Variants in KIAA1328 observed in about 807,000 individuals in gnomAD.
The protein encoded by KIAA1328 is protein hinderin.
A neutral mutation model predicts 68.1 loss-of-function variants in KIAA1328; 52 were observed. That is an observed-to-expected ratio of 0.76 (90% CI 0.61 to 0.96). The LOEUF (loss-of-function observed/expected upper bound fraction) is 0.96, where lower values mean the gene tolerates loss of function less well. Among genes scored for constraint, KIAA1328 ranks in the 40% least tolerant of loss-of-function variants. The pLI, the probability that KIAA1328 is intolerant of heterozygous loss-of-function variation, is 0.00. For synonymous variants in KIAA1328, 232 were observed against 239.4 expected (o/e 0.97, Z 0.28); for missense variants, 641 against 677.6 (o/e 0.95, Z 0.60).
intron 6 of KIAA1328, among the ~76,000 whole-genome samples, chr18:37,033,056 T>C (rs1364563956): frequency 6.6e-6 from 1 of 152,260 alleles, no homozygotes; most frequent in Admixed American, 6.5e-5. Context: ...TTTAGAAATA[T>C]GATAATGATG....
chr18:36,959,225 G>A, intron 5 of KIAA1328, 83 bp from the exon 6 acceptor site: 1 of 1,305,508 alleles, frequency 7.7e-7, no homozygotes. Flanking sequence ...GTTCTGTTTT[G>A]TTTATTGGAA....
At chr18:36,849,273 G>T (rs915937201) in intron 4 of KIAA1328, among the ~76,000 whole-genome samples, 1 of 151,896 alleles carries the variant, frequency 6.6e-6, no homozygotes, top group Non-Finnish European at 1.5e-5. Context: ...ATATGTGTGT[G>T]TTTTTAATGT....
At chr18:37,064,668 A>G (rs1395108032) in intron 6 of KIAA1328, among the ~76,000 whole-genome samples, 1 of 151,936 alleles carries the variant, frequency 6.6e-6, no homozygotes, top group Non-Finnish European at 1.5e-5. Flanking sequence ...TGTATTACCC[A>G]GGTAGGCCCA....
intron 5 of KIAA1328, among the ~76,000 whole-genome samples, chr18:36,952,539 T>G (rs1218009343): frequency 2.6e-5 from 4 of 152,202 alleles, no homozygotes; most frequent in African/African-American, 9.7e-5. Context: ...CAGATGAAGA[T>G]GTCAGAGAAG....
At chr18:36,921,691 AC>A (rs1879915469) in intron 5 of KIAA1328, among the ~76,000 whole-genome samples, 4 of 152,162 alleles carry the variant, frequency 2.6e-5, no homozygotes, top group Non-Finnish European at 4.4e-5. Context: ...GGCGTGAGCC[AC>A]TGTGCCCGGC....
In KIAA1328 at chr18:36,835,262, A is replaced by C; in HGVS notation, c.123A>C (p.Ser41=). 1.9e-6 allele frequency: 3 copies of C among 1,612,512 alleles called. No individual in the cohort carries two copies. The highest frequency in any genetic ancestry group is 2.5e-6 in the Non-Finnish European group (3 of 1,179,330). The change falls in exon 3 of 10, where the codon TCA becomes TCC. Residue 41 remains serine (S), a synonymous_variant. Transcript: ENST00000280020. Reference sequence around the variant, plus strand: ...TTTCTGCTGAAGGAAATGTCAGATCAAGACACAAGCTGATGAGTCCAAAAG... The same window carrying C: ...TTTCTGCTGAAGGAAATGTCAGATCCAGACACAAGCTGATGAGTCCAAAAG... ...PGISAEGNVR[S]RHKLMSPKAD...
In KIAA1328 at chr18:36,829,172, G is replaced by A. The variant is rs776152247; in HGVS notation, c.34G>A (p.Ala12Thr). The change falls in exon 1 of 10, where the codon GCC (alanine) becomes ACC (threonine). Residue 12 changes from alanine to threonine, a missense_variant. By Grantham distance (58) the Ala-to-Thr change is moderately conservative. Transcript: ENST00000280020. ...CGTGGCGGGCCCCTCCCGCCCCAGTGCCGCGGCGTTCTGGAGCCGGGACTG... is the reference window on the plus strand; with the variant it reads ...CGTGGCGGGCCCCTCCCGCCCCAGTACCGCGGCGTTCTGGAGCCGGGACTG... Reference protein sequence around the residue: ...ADVAGPSRPSAAAFWSRDFSD... With the variant: ...ADVAGPSRPSTAAFWSRDFSD... 2 of 1,533,344 alleles carry A rather than the reference G, an allele frequency of 1.3e-6. No homozygotes were observed. The highest frequency in any genetic ancestry group is 1.8e-6 in the Non-Finnish European group (2 of 1,142,444). The allele number at this position is 1,533,344 out of a possible 1,614,324, so 95.0% of individuals were successfully genotyped here.
intron 9 of KIAA1328, among the ~76,000 whole-genome samples, chr18:37,197,375 A>G (rs1568522939): frequency 6.6e-6 from 1 of 152,056 alleles, no homozygotes; most frequent in East Asian, 1.9e-4. Flanking sequence ...TGAACAATGG[A>G]AAGTGTGGGG....
At chr18:37,110,820 T>C (rs957622778) in intron 7 of KIAA1328, among the ~76,000 whole-genome samples, 1 of 152,178 alleles carries the variant, frequency 6.6e-6, no homozygotes, top group Non-Finnish European at 1.5e-5. Flanking sequence ...TTTTAGGTGG[T>C]TGCCGTCTCA....
intron 5 of KIAA1328, among the ~76,000 whole-genome samples, chr18:36,917,013 A>G (rs1006816231): frequency 1.3e-5 from 2 of 152,144 alleles, no homozygotes; most frequent in African/African-American, 4.8e-5. Flanking sequence ...AAAAGCAAAA[A>G]CAAAAAAAAT....
chr18:36,829,259 G>A, intron 1 of KIAA1328, 63 bp downstream of exon 1: 1 of 1,456,158 alleles, frequency 6.9e-7, no homozygotes, highest in Non-Finnish European at 9.0e-7. Context: ...GGGGCGAGCC[G>A]TCGCGTGGCA....
chr18:37,092,630 A>G (rs1370966764), intron 7 of KIAA1328, among the ~76,000 whole-genome samples: 2 of 151,928 alleles, frequency 1.3e-5, no homozygotes, highest in Non-Finnish European at 2.9e-5. Flanking sequence ...GTCACTCACA[A>G]ATGTCATCCA....
At chr18:36,872,185 CA>C (rs1225887439) in intron 4 of KIAA1328, among the ~76,000 whole-genome samples, 2 of 151,922 alleles carry the variant, frequency 1.3e-5, no homozygotes, top group Non-Finnish European at 2.9e-5. Flanking sequence ...GAGGAGGGTC[CA>C]GGGGGAGGCA....
At chr18:36,992,282 T>C (rs987762440) in intron 6 of KIAA1328, among the ~76,000 whole-genome samples, 3 of 152,128 alleles carry the variant, frequency 2.0e-5, no homozygotes, top group African/African-American at 7.2e-5. Context: ...ACCTATCTTT[T>C]ATGGTTTGTG....
chr18:37,116,275 A>T (rs573270588), intron 7 of KIAA1328, among the ~76,000 whole-genome samples: 56 of 152,364 alleles, frequency 3.7e-4, no homozygotes, highest in African/African-American at 8.4e-4. Flanking sequence ...ACAAGGCTAC[A>T]GTAACCAAAA....
intron 5 of KIAA1328, among the ~76,000 whole-genome samples, chr18:36,894,155 A>G (rs2048793204): frequency 6.6e-6 from 1 of 152,152 alleles, no homozygotes; most frequent in African/African-American, 2.4e-5. Context: ...TCACTATACC[A>G]AATTTTCTCT....
intron 5 of KIAA1328, among the ~76,000 whole-genome samples, chr18:36,890,028 GTTTT>G (rs1242131531): frequency 6.6e-6 from 1 of 151,938 alleles, no homozygotes; most frequent in Non-Finnish European, 1.5e-5. Context: ...CAGAGTTGTG[GTTTT>G]TTTGTTTGTT....
chr18:37,117,253 T>A (rs1049345766), intron 7 of KIAA1328, among the ~76,000 whole-genome samples: 40 of 152,288 alleles, frequency 2.6e-4, no homozygotes, highest in Admixed American at 4.6e-4. Context: ...CAAATGTCCA[T>A]CAGTGATAGA....
intron 7 of KIAA1328, among the ~76,000 whole-genome samples, chr18:37,132,269 A>G (rs1200099821): frequency 6.6e-6 from 1 of 152,150 alleles, no homozygotes; most frequent in East Asian, 1.9e-4. Context: ...TTTTATAGAA[A>G]TTTCTTTGAT....
Sources: gnomAD v4.1 joint callset for allele counts (sites outside exome capture counted in the v4.1 genomes callset) on GRCh38, gnomAD v4.1.1 for gene constraint, MANE v1.5 for transcripts, NCBI Gene and HGNC (gene_info 2026-07-23, HGNC 2026-07-21) for gene names.